The following IGHMBP2 variants were observed in gnomAD, a reference collection of about 807,000 sequenced individuals.
IGHMBP2 encodes DNA-binding protein SMUBP-2.
Under a neutral mutation model 96.0 loss-of-function variants are expected in IGHMBP2, and 81 were observed. The ratio of observed to expected loss-of-function variants is 0.84; its 90% CI spans 0.71 to 1.01. The LOEUF (loss-of-function observed/expected upper bound fraction) is 1.01, where lower values mean the gene tolerates loss of function less well. Ranked by LOEUF, IGHMBP2 falls within the 50% of genes least tolerant of loss-of-function variation. The pLI is 0.00. For synonymous variants in IGHMBP2, 557 were observed against 548.9 expected (o/e 1.01, Z -0.21); for missense variants, 1,227 against 1,306.3 (o/e 0.94, Z 0.94).
At chr11:68,913,304 A>G (rs1401006687) in intron 5 of IGHMBP2, among the ~76,000 whole-genome samples, 1 of 152,156 alleles carries the variant, frequency 6.6e-6, no homozygotes, top group Non-Finnish European at 1.5e-5. Context: ...ACTATTCACT[A>G]AAAGTGAGCC....
intron 1 of IGHMBP2, among the ~76,000 whole-genome samples, chr11:68,905,144 CAG>C (rs925377027): frequency 6.6e-6 from 1 of 152,186 alleles, no homozygotes; most frequent in African/African-American, 2.4e-5. Context: ...GAGATGGAGA[CAG>C]AGAGGGGTTA....
chr11:68,931,769 C>T (rs923142334), intron 8 of IGHMBP2, among the ~76,000 whole-genome samples: 3 of 152,150 alleles, frequency 2.0e-5, no homozygotes, highest in Admixed American at 6.5e-5. Context: ...GAGAGGTTCT[C>T]GAGATGTCCT....
In IGHMBP2 at chr11:68,933,822, A is replaced by G. The variant is rs1859413057; in HGVS notation, c.1446A>G (p.Glu482=). 6.2e-7 allele frequency: 1 copy of G among 1,612,334 alleles called. No individual in the cohort carries two copies. The highest frequency in any genetic ancestry group is 1.1e-5 in the South Asian group (1 of 90,634). ...ACCTCCCAGGTGTGGCTGCCACAGAAGAGACGGGTGTGCCCCTGCTCTTGG... is the reference window on the plus strand; with the variant it reads ...ACCTCCCAGGTGTGGCTGCCACAGAGGAGACGGGTGTGCCCCTGCTCTTGG... ...LRDLPGVAAT[E]ETGVPLLLVD... Residue 482 remains glutamate (E), a synonymous_variant, in exon 10 of 15, where the codon GAA becomes GAG. Transcript: ENST00000255078.
chr11:68,939,743 C>T lies in IGHMBP2; in HGVS notation c.*12C>T. On this transcript the variant is annotated 3_prime_UTR_variant, in exon 15 of 15. Transcript: ENST00000255078. ...AGAGGGGGACGTGACCGGCCGCATC[C>T]TTGCACGCCCCGCGGAGCTCTCTCC... 1 of 1,599,004 alleles carries T rather than the reference C, an allele frequency of 6.3e-7. No individual in the cohort carries two copies.
chr11:68,915,166 C>CTTTTTTTTTTTTTTTTTTTTTTTTT lies in IGHMBP2; in HGVS notation c.912+149_912+173dup, dbSNP rs71043470. On this transcript the variant is annotated intron_variant, in intron 6 of 14. Transcript: ENST00000255078. ...TAATAATTTTAAAAATTGGGCTGCC[C>CTTTTTTTTTTTTTTTTTTTTTTTTT]TTTTTTTTTTTTTTTTTTTTTTTTT... is the stretch of plus-strand genomic sequence containing the variant. 62 of 206,380 alleles carry CTTTTTTTTTTTTTTTTTTTTTTTTT rather than the reference C, an allele frequency of 3.0e-4. 11 individuals are homozygous for CTTTTTTTTTTTTTTTTTTTTTTTTT. The highest frequency in any genetic ancestry group is 4.0e-4 in the Non-Finnish European group (49 of 123,782). The allele number at this position is 206,380 out of a possible 1,614,324, so 12.8% of individuals were successfully genotyped here. A position where few individuals can be genotyped will look rare whatever the true frequency, so the allele number is the denominator to read the frequency against.
At chr11:68,930,691 A>G (rs2154008401) in intron 8 of IGHMBP2, among the ~76,000 whole-genome samples, 1 of 152,222 alleles carries the variant, frequency 6.6e-6, no homozygotes, top group Non-Finnish European at 1.5e-5. Context: ...TGAGGTACGC[A>G]GATTAGTGAA....
At position 68,940,019 on chromosome 11, in the gene IGHMBP2, G is replaced by C. The variant is rs556090408; in HGVS notation, c.*288G>C. 93 of 466,120 alleles carry C rather than the reference G, an allele frequency of 2.0e-4. No individual in the cohort carries two copies. The highest frequency in any genetic ancestry group is 1.4e-3 in the South Asian group (52 of 37,260). 28.9% of individuals were successfully genotyped at this position (466,120 alleles called of 1,614,324 possible). A position where few individuals can be genotyped will look rare whatever the true frequency, so the allele number is the denominator to read the frequency against. ...GCCAAAACCCACATCCCAGCCTCTG[G>C]ATCCTGGGGAAGGTTCCAGTCCCTG... is the stretch of plus-strand genomic sequence containing the variant. On this transcript the variant is annotated 3_prime_UTR_variant, in exon 15 of 15. Transcript: ENST00000255078.
At chr11:68,936,197 G>C (rs762183556) in intron 12 of IGHMBP2, 40 bp from the exon 13 acceptor site, 4 of 1,610,504 alleles carry the variant, frequency 2.5e-6, no homozygotes, top group Non-Finnish European at 3.4e-6. Context: ...GTGTTTCTTA[G>C]TCTGAAACCT....
Position 68,933,811 on chromosome 11 carries a change from G to A in IGHMBP2, c.1435G>A (p.Ala479Thr). 6.2e-7 allele frequency: 1 copy of A among 1,612,386 alleles called. No individual in the cohort carries two copies. The highest frequency in any genetic ancestry group is 8.5e-7 in the Non-Finnish European group (1 of 1,179,460). ...RHLLRDLPGV[A>T]ATEETGVPLL... The stretch of plus-strand genomic sequence containing the variant: ...GTGTGCCAGGGACCTCCCAGGTGTG[G>A]CTGCCACAGAAGAGACGGGTGTGCC... The change falls in exon 10 of 15, where the codon GCT becomes ACT. Residue 479 changes from alanine to threonine, a missense_variant. This residue lies in a region of IGHMBP2 where 703 missense variants were observed against 770.3 expected (regional missense o/e 0.91). Coordinates refer to ENST00000255078, the MANE Select transcript of IGHMBP2 (RefSeq NM_002180.3).
chr11:68,916,437 C>T (rs1233186972), intron 6 of IGHMBP2, among the ~76,000 whole-genome samples: 3 of 152,128 alleles, frequency 2.0e-5, no homozygotes, highest in South Asian at 4.1e-4. Flanking sequence ...TTGGTTCTCC[C>T]GTGGACGCTT....
intron 7 of IGHMBP2, among the ~76,000 whole-genome samples, chr11:68,918,622 A>ACAGAGCAAGACTC (rs1858762410): frequency 6.6e-6 from 1 of 152,068 alleles, no homozygotes; most frequent in Admixed American, 6.6e-5. Context: ...AGCCTGGGTG[A>ACAGAGCAAGACTC]CAGAGCAAGA....
chr11:68,912,943 G>A (rs1858494050), intron 5 of IGHMBP2, among the ~76,000 whole-genome samples: 1 of 149,716 alleles, frequency 6.7e-6, no homozygotes, highest in Admixed American at 6.7e-5. Flanking sequence ...TTGGGAGGCT[G>A]AGGCAGGAGA....
chr11:68,911,366 A>G lies in IGHMBP2; in HGVS notation c.548-74A>G, dbSNP rs1197076747. ...ACAGGCATCACTCATCCCCCGGGGC[A>G]CACACTCTCTGAGGAGGAACACCCA... On this transcript the variant is annotated intron_variant, in intron 4 of 14. Transcript: ENST00000255078. 1.3e-5 allele frequency: 20 copies of G among 1,500,200 alleles called. No individual in the cohort carries two copies. The South Asian group carries it at 1.7e-4, about 13-fold the overall frequency. 92.9% of individuals were successfully genotyped at this position (1,500,200 alleles called of 1,614,324 possible).
Position 68,938,283 on chromosome 11 carries a change from G to A in IGHMBP2, c.2713G>A (p.Gly905Ser), listed in dbSNP as rs772387164. 7.3e-5 allele frequency: 118 copies of A among 1,613,656 alleles called. No individual in the cohort carries two copies. The highest frequency in any genetic ancestry group is 9.3e-5 in the Non-Finnish European group (110 of 1,180,020). ...NTCGFAKCTA[G>S]VTTLGQFCQL... ...CTGCGGCTTTGCCAAGTGCACAGCC[G>A]GCGTCACAACCCTGGGCCAGTTCTG... Residue 905 changes from glycine (G) to serine (S), a missense_variant, in exon 14 of 15, where the codon GGC becomes AGC. Coordinates refer to ENST00000255078, the MANE Select transcript of IGHMBP2 (RefSeq NM_002180.3).
Position 68,939,520 on chromosome 11 carries a change from T to C in IGHMBP2, c.2785-14T>C. Reference sequence around the variant, plus strand: ...CCCCTGTGAGCCCAGCAGTGATTCTTGTGTCCTCCCCAGATCCATGGCTGC... The same window carrying C: ...CCCCTGTGAGCCCAGCAGTGATTCTCGTGTCCTCCCCAGATCCATGGCTGC... On this transcript the variant is annotated splice_polypyrimidine_tract_variant and intron_variant, in intron 14 of 14. Transcript: ENST00000255078. 6.2e-7 allele frequency: 1 copy of C among 1,611,394 alleles called. No individual in the cohort carries two copies. The highest frequency in any genetic ancestry group is 1.1e-5 in the South Asian group (1 of 91,000).
At chr11:68,928,064 C>T (rs1265995799) in intron 7 of IGHMBP2, among the ~76,000 whole-genome samples, 2 of 152,198 alleles carry the variant, frequency 1.3e-5, no homozygotes, top group African/African-American at 2.4e-5. Context: ...GACCATTTGC[C>T]GATGTCTTGT....
intron 4 of IGHMBP2, among the ~76,000 whole-genome samples, chr11:68,908,960 C>A (rs1397052772): frequency 6.6e-6 from 1 of 150,872 alleles, no homozygotes; most frequent in South Asian, 2.1e-4. Context: ...TTTGCCTCAA[C>A]CTCCCAAGTA....
intron 11 of IGHMBP2, 66 bp downstream of exon 11, chr11:68,934,624 A>G: frequency 2.4e-6 from 3 of 1,234,920 alleles, no homozygotes; most frequent in East Asian, 5.0e-5. Flanking sequence ...AGGGTGAAAG[A>G]AAAAGGGTGA....
chr11:68,914,899 T>C lies in IGHMBP2; in HGVS notation c.788T>C (p.Leu263Pro). The change falls in exon 6 of 15, where the codon CTG becomes CCG. Residue 263 changes from leucine (L) to proline (P), a missense_variant. Coordinates refer to ENST00000255078, the MANE Select transcript of IGHMBP2 (RefSeq NM_002180.3). ...CTGGCTCTGTGTAAGCAGCGGATTC[T>C]GCGCCTGGGACACCCTGCCCGCCTC... ...ERLALCKQRILRLGHPARLLE... is the reference protein window; with the variant it reads ...ERLALCKQRIPRLGHPARLLE... 1 of 1,614,254 alleles carries C rather than the reference T, an allele frequency of 6.2e-7. No homozygotes were observed.
Sources: gnomAD v4.1 joint callset for allele counts (sites outside exome capture counted in the v4.1 genomes callset) on GRCh38, gnomAD v4.1.1 for gene constraint, gnomAD v4.1.1 regional missense constraint, MANE v1.5 for transcripts, NCBI Gene and HGNC (gene_info 2026-07-23, HGNC 2026-07-21) for gene names.